The following KLHL20 variants were observed in gnomAD, a reference collection of about 807,000 sequenced individuals.
KLHL20 encodes kelch-like protein 20.
Under a neutral mutation model 69.5 loss-of-function variants are expected in KLHL20, and 29 were observed. That is an observed-to-expected ratio of 0.42 (90% CI 0.31 to 0.57). The LOEUF is 0.57. KLHL20 is among the 20% of genes least tolerant of loss of function. The pLI is 0.18. For missense variants in KLHL20, 419 were observed against 776.0 expected, an observed-to-expected ratio of 0.54 and a Z score of 5.47; for synonymous variants, 253 against 265.2, an observed-to-expected ratio of 0.95 and a Z score of 0.45.
At chr1:173,731,053 A>G (rs1299142602) in intron 2 of KLHL20, among the ~76,000 whole-genome samples, 1 of 152,214 alleles carries the variant, frequency 6.6e-6, no homozygotes, top group Non-Finnish European at 1.5e-5. Context: ...AAAAGTGGGC[A>G]GAGGATATGA....
At chr1:173,737,492 A>G (rs1571873420) in intron 3 of KLHL20, among the ~76,000 whole-genome samples, 2 of 152,090 alleles carry the variant, frequency 1.3e-5, no homozygotes, top group East Asian at 1.9e-4. Flanking sequence ...CTTTCCCCAC[A>G]TTATGTTTTT....
At chr1:173,766,705 A>C (rs1647741203) in intron 8 of KLHL20, among the ~76,000 whole-genome samples, 1 of 151,836 alleles carries the variant, frequency 6.6e-6, no homozygotes, top group Non-Finnish European at 1.5e-5. Flanking sequence ...AGGATCCACT[A>C]TTCAGTGGAT....
chr1:173,753,121 T>G (rs1673385375), intron 4 of KLHL20, 92 bp from the exon 5 acceptor site: 5 of 1,011,390 alleles, frequency 4.9e-6, no homozygotes, highest in Non-Finnish European at 7.5e-6. Context: ...TGCAGTGACC[T>G]ACGATCATGC....
At chr1:173,752,968 G>C (rs766497918) in intron 4 of KLHL20, among the ~76,000 whole-genome samples, 14 of 151,904 alleles carry the variant, frequency 9.2e-5, no homozygotes, top group Non-Finnish European at 1.9e-4. Flanking sequence ...AGGTGTTTGA[G>C]ACCAGCCTGG....
chr1:173,752,001 G>A, intron 4 of KLHL20, 79 bp downstream of exon 4: 2 of 1,345,068 alleles, frequency 1.5e-6, no homozygotes, highest in Non-Finnish European at 2.1e-6. Flanking sequence ...ACTTTGGGAG[G>A]CCAAGGCAGG....
intron 10 of KLHL20, among the ~76,000 whole-genome samples, chr1:173,777,364 A>C (rs1326677120): frequency 6.6e-6 from 1 of 152,190 alleles, no homozygotes; most frequent in Admixed American, 6.5e-5. Flanking sequence ...AAAGAAGGAT[A>C]ATTTGACTTC....
chr1:173,732,433 A>T (rs886844295), intron 2 of KLHL20, among the ~76,000 whole-genome samples: 8 of 152,112 alleles, frequency 5.3e-5, no homozygotes, highest in African/African-American at 1.9e-4. Context: ...TTGTCTTGGG[A>T]TTTCAAAACT....
intron 10 of KLHL20, among the ~76,000 whole-genome samples, chr1:173,778,040 G>A (rs1406990811): frequency 6.6e-6 from 1 of 152,020 alleles, no homozygotes; most frequent in Non-Finnish European, 1.5e-5. Context: ...ATTGGGTCCT[G>A]GGCTTTTCTT....
intron 3 of KLHL20, among the ~76,000 whole-genome samples, chr1:173,742,797 A>G (rs1672878649): frequency 6.6e-6 from 1 of 151,436 alleles, no homozygotes; most frequent in African/African-American, 2.4e-5. Context: ...TGCTGAAGTA[A>G]AAGTTATTAA....
intron 4 of KLHL20, among the ~76,000 whole-genome samples, chr1:173,752,234 C>CAA (rs202105334): frequency 1.5e-4 from 18 of 117,104 alleles, no homozygotes; most frequent in African/African-American, 2.9e-4. Flanking sequence ...GACTCCATCT[C>CAA]AAAAAAAAAA....
chr1:173,747,095 C>T (rs1275246547), intron 3 of KLHL20, among the ~76,000 whole-genome samples: 1 of 151,744 alleles, frequency 6.6e-6, no homozygotes, highest in African/African-American at 2.4e-5. Flanking sequence ...ATGAAATTTG[C>T]TTTCTTGGTA....
intron 2 of KLHL20, among the ~76,000 whole-genome samples, 163 bp from the exon 3 acceptor site, chr1:173,733,550 C>T (rs1008932691): frequency 5.9e-5 from 9 of 151,776 alleles, no homozygotes; most frequent in African/African-American, 2.2e-4. Flanking sequence ...GAGTTTGAGA[C>T]CAATCTGGGC....
chr1:173,747,229 G>A (rs1479175825), intron 3 of KLHL20, among the ~76,000 whole-genome samples: 2 of 151,748 alleles, frequency 1.3e-5, no homozygotes, highest in African/African-American at 4.8e-5. Context: ...TGATTATGTC[G>A]CTTGGCTCTT....
chr1:173,751,266 A>G (rs1014179640), intron 3 of KLHL20, among the ~76,000 whole-genome samples: 1 of 152,300 alleles, frequency 6.6e-6, no homozygotes. Context: ...ACTAGCATAT[A>G]TATTAGAGAG....
intron 10 of KLHL20, among the ~76,000 whole-genome samples, chr1:173,779,148 A>G (rs1292872962): frequency 6.6e-6 from 1 of 151,600 alleles, no homozygotes; most frequent in African/African-American, 2.4e-5. Context: ...TTGTTTTTCC[A>G]TTTTCATTTG....
At chr1:173,734,934 A>T (rs1052908680) in intron 3 of KLHL20, among the ~76,000 whole-genome samples, 2 of 152,168 alleles carry the variant, frequency 1.3e-5, no homozygotes, top group Non-Finnish European at 2.9e-5. Flanking sequence ...TGTTACAAAG[A>T]AGCAGTCCTG....
Position 173,717,018 on chromosome 1 carries a change from G to A in KLHL20, c.23+952G>A, listed in dbSNP as rs1295417360. ...TGCAAATGCTTTAAGATCTCCAGAT[G>A]AAAAGATGTTATCAAGATGAAAAAT... On this transcript the variant is annotated intron_variant, in intron 2 of 11. Coordinates refer to ENST00000209884, the MANE Select transcript of KLHL20 (RefSeq NM_014458.4). Among the ~76,000 whole-genome samples the A allele has an allele frequency of 5.3e-5, 8 of 152,264 alleles. No homozygotes were observed. In the East Asian group the frequency reaches 1.5e-3, roughly 29 times the overall value.
intron 3 of KLHL20, among the ~76,000 whole-genome samples, chr1:173,737,438 G>A (rs1320555465): frequency 1.3e-5 from 2 of 152,176 alleles, no homozygotes; most frequent in African/African-American, 4.8e-5. Flanking sequence ...TCTTCTACAT[G>A]TGGCTTGCCA....
chr1:173,751,283 C>T (rs1158433098), intron 3 of KLHL20, among the ~76,000 whole-genome samples: 3 of 152,110 alleles, frequency 2.0e-5, no homozygotes, highest in East Asian at 3.8e-4. Flanking sequence ...AGAGTTTGAT[C>T]GTCAGAGTTT....
Sources: gnomAD v4.1 joint callset for allele counts (sites outside exome capture counted in the v4.1 genomes callset) on GRCh38, gnomAD v4.1.1 for gene constraint, MANE v1.5 for transcripts, NCBI Gene and HGNC (gene_info 2026-07-23, HGNC 2026-07-21) for gene names.